The following PCNX1 variants were observed in gnomAD, a reference collection of about 807,000 sequenced individuals.
PCNX1 encodes pecanex-like protein 1.
PCNX1 carries 78 observed loss-of-function variants against 242.2 expected under a neutral mutation model. The observed-to-expected ratio is 0.32, with a 90% CI of 0.27 to 0.39. The LOEUF (loss-of-function observed/expected upper bound fraction) is 0.39, where lower values mean the gene tolerates loss of function less well. Among genes scored for constraint, PCNX1 ranks in the 10% least tolerant of loss-of-function variants. PCNX1 has a pLI of 1.00. For synonymous variants in PCNX1, 1,024 were observed against 1,032.9 expected (o/e 0.99, Z 0.17); for missense variants, 2,581 against 2,856.5 (o/e 0.90, Z 2.20).
intron 1 of PCNX1, among the ~76,000 whole-genome samples, chr14:70,911,951 C>T (rs2055931889): frequency 6.6e-6 from 1 of 152,046 alleles, no homozygotes; most frequent in Non-Finnish European, 1.5e-5. Context: ...TGAAATAGAA[C>T]ATTAAAATTT....
At chr14:70,923,549 C>T (rs143527380) in intron 1 of PCNX1, among the ~76,000 whole-genome samples, 63 of 152,270 alleles carry the variant, frequency 4.1e-4, no homozygotes, top group Admixed American at 1.2e-3. Flanking sequence ...CGTGTACCAC[C>T]TCCCACAAGA....
intron 6 of PCNX1, among the ~76,000 whole-genome samples, chr14:70,981,494 T>C (rs1372457313): frequency 6.6e-6 from 1 of 152,192 alleles, no homozygotes; most frequent in East Asian, 1.9e-4. Context: ...TCATATAACA[T>C]CTTTTTTAGT....
rs765807940 is a variant in PCNX1 at position 71,033,526 on chromosome 14, C to A, written c.3656C>A (p.Pro1219Gln). Residue 1219 changes from proline to glutamine, a missense_variant, in exon 17 of 36, where the codon CCA (proline) becomes CAA (glutamine). By Grantham distance (76) the Pro-to-Gln change is moderately conservative. Transcript: ENST00000304743. ...CATCTCAGCCGACAAAGCAGTGATC[C>A]ATCTGTACTTTTGTAAGTGAACTCA... The part of the protein sequence containing the change: ...SYHLSRQSSD[P>Q]SVLFSLVQSK... 2.6e-6 allele frequency: 4 copies of A among 1,559,456 alleles called. No individual in the cohort carries two copies. In the Admixed American group the frequency reaches 6.9e-5, roughly 27 times the overall value.
intron 22 of PCNX1, chr14:71,049,151 T>A: frequency 1.2e-6 from 1 of 815,046 alleles, no homozygotes; most frequent in Non-Finnish European, 1.5e-6. Context: ...ATAAAGTAAA[T>A]AATCTTTGAA....
At chr14:71,097,420 A>G (rs532018330) in intron 30 of PCNX1, among the ~76,000 whole-genome samples, 64 of 152,350 alleles carry the variant, frequency 4.2e-4, no homozygotes, top group African/African-American at 1.4e-3. Flanking sequence ...TTGCATTTCA[A>G]CAGTGTATAA....
intron 19 of PCNX1, among the ~76,000 whole-genome samples, chr14:71,043,149 CT>C (rs1292790943): frequency 6.6e-6 from 1 of 152,056 alleles, no homozygotes; most frequent in African/African-American, 2.4e-5. Context: ...TGTGAGGTTT[CT>C]ACTGAGAAAT....
chr14:71,075,654 T>G (rs1462588779), intron 27 of PCNX1, among the ~76,000 whole-genome samples: 1 of 152,104 alleles, frequency 6.6e-6, no homozygotes, highest in South Asian at 2.1e-4. Context: ...CCCAGCACTT[T>G]GGGAGGCCGA....
At chr14:71,020,245 G>A (rs544861387) in intron 12 of PCNX1, among the ~76,000 whole-genome samples, 6 of 152,288 alleles carry the variant, frequency 3.9e-5, no homozygotes, top group South Asian at 4.1e-4. Flanking sequence ...ATAAACATAC[G>A]TGTGCATGTG....
chr14:70,944,016 G>A (rs758544925), intron 1 of PCNX1, among the ~76,000 whole-genome samples: 8 of 152,214 alleles, frequency 5.3e-5, no homozygotes, highest in Non-Finnish European at 8.8e-5. Flanking sequence ...GGATGTCTGG[G>A]CAGAAGTCTG....
chr14:71,078,278 C>T (rs1484281568), intron 28 of PCNX1, among the ~76,000 whole-genome samples: 2 of 152,186 alleles, frequency 1.3e-5, no homozygotes, highest in Non-Finnish European at 2.9e-5. Flanking sequence ...TTCCCTGAAT[C>T]AACATTCCCA....
At chr14:70,946,839 T>G in intron 1 of PCNX1, 76 bp from the exon 2 acceptor site, 1 of 1,059,486 alleles carries the variant, frequency 9.4e-7, no homozygotes, top group Non-Finnish European at 1.4e-6. Context: ...GTTTATTATT[T>G]TAGATACAGA....
At position 70,930,951 on chromosome 14, in the gene PCNX1, T is replaced by C. The variant is rs563013274; in HGVS notation, c.154-15964T>C. Among the ~76,000 whole-genome samples, 26 of 152,340 alleles carry C rather than the reference T, an allele frequency of 1.7e-4. No individual in the cohort carries two copies. The East Asian group carries it at 4.8e-3, about 28-fold the overall frequency. ...ATCCCTGGAGCCATGGCCATTGATATCAGGGCCTTTTCTGAGTCCTTTGGG... is the reference window on the plus strand; with the variant it reads ...ATCCCTGGAGCCATGGCCATTGATACCAGGGCCTTTTCTGAGTCCTTTGGG... On this transcript the variant is annotated intron_variant, in intron 1 of 35. Transcript: ENST00000304743.
intron 24 of PCNX1, among the ~76,000 whole-genome samples, chr14:71,053,751 G>A (rs2061105568): frequency 6.6e-6 from 1 of 152,262 alleles, no homozygotes; most frequent in East Asian, 1.9e-4. Context: ...AAATAACAAT[G>A]TCGTATCTAT....
rs1325621951 is a variant in PCNX1 at position 71,113,643 on chromosome 14, C to T, written c.*3708C>T. 2.0e-5 allele frequency: 3 copies of T among 152,456 alleles called. No individual in the cohort carries two copies. The highest frequency in any genetic ancestry group is 4.4e-5 in the Non-Finnish European group (3 of 68,024). The allele number at this position is 152,456 out of a possible 1,614,324, so 9.4% of individuals were successfully genotyped here. On this transcript the variant is annotated 3_prime_UTR_variant, in exon 36 of 36. Coordinates refer to ENST00000304743, the MANE Select transcript of PCNX1 (RefSeq NM_014982.3). ...TTTAAGCTGAAGATTCACCCAGTGTCTAAAGTTGTCCTTTTCTTATAGCTA... is the reference window on the plus strand; with the variant it reads ...TTTAAGCTGAAGATTCACCCAGTGTTTAAAGTTGTCCTTTTCTTATAGCTA...
Position 71,103,628 on chromosome 14 carries a change from C to T in PCNX1, c.6054C>T (p.Ser2018=). Residue 2018 remains serine, a synonymous_variant, in exon 32 of 36, where the codon AGC becomes AGT. Transcript: ENST00000304743. Reference sequence around the variant, plus strand: ...AAGACATTCTTGGGGGTCCTATCAGCTTGGGAAATATCAGGAACTTCATAG... The same window carrying T: ...AAGACATTCTTGGGGGTCCTATCAGTTTGGGAAATATCAGGAACTTCATAG... ...QLKDILGGPI[S]LGNIRNFIVS... 6.2e-7 allele frequency: 1 copy of T among 1,614,126 alleles called. No homozygotes were observed. The highest frequency in any genetic ancestry group is 8.5e-7 in the Non-Finnish European group (1 of 1,179,978).
At chr14:70,944,986 C>T (rs540775786) in intron 1 of PCNX1, among the ~76,000 whole-genome samples, 32 of 152,282 alleles carry the variant, frequency 2.1e-4, no homozygotes, top group Admixed American at 2.6e-4. Context: ...TTATAAATTA[C>T]CCAGTCTTGG....
rs139456304 is a variant in PCNX1 at position 70,978,120 on chromosome 14, A to C, written c.1783A>C (p.Ile595Leu). The change falls in exon 6 of 36, where the codon ATA becomes CTA. Residue 595 changes from isoleucine to leucine, a missense_variant. By Grantham distance (5) the Ile-to-Leu change is conservative. Around this residue, in one of 9 missense-constraint regions of PCNX1, gnomAD observed 1,204 missense variants for 1,216.7 expected, o/e 0.99. Transcript: ENST00000304743. Reference protein sequence around the residue: ...GVSGTKPHSAIFCHDEDSSDQ... With the variant: ...GVSGTKPHSALFCHDEDSSDQ... ...TTCTGGTACCAAGCCACACAGTGCT[A>C]TATTTTGTCATGACGAAGACTCTAG... The C allele has an allele frequency of 3.5e-4, 560 of 1,614,170 alleles. 1 individual carries two copies. Among genetic ancestry groups the C allele is most frequent in the Non-Finnish European group, 4.6e-4 (546 of 1,180,016 alleles).
intron 33 of PCNX1, among the ~76,000 whole-genome samples, chr14:71,106,372 C>T (rs966307172): frequency 3.3e-5 from 5 of 152,064 alleles, no homozygotes; most frequent in African/African-American, 1.2e-4. Context: ...TAACTTCTCC[C>T]CTGTTGGACA....
intron 30 of PCNX1, among the ~76,000 whole-genome samples, chr14:71,099,758 A>G (rs1310736244): frequency 2.0e-5 from 3 of 152,160 alleles, no homozygotes; most frequent in Admixed American, 6.5e-5. Flanking sequence ...GGGTGCTCCA[A>G]TGTTGGGTGC....
Sources: gnomAD v4.1 joint callset for allele counts (sites outside exome capture counted in the v4.1 genomes callset) on GRCh38, gnomAD v4.1.1 for gene constraint, gnomAD v4.1.1 regional missense constraint, MANE v1.5 for transcripts, NCBI Gene and HGNC (gene_info 2026-07-23, HGNC 2026-07-21) for gene names.